Variants in CRLF3 observed in about 807,000 individuals in gnomAD.
CRLF3 encodes cytokine receptor like factor 3.
In CRLF3, 33 loss-of-function variants were observed where a neutral mutation model predicts 55.0. The ratio of observed to expected loss-of-function variants is 0.60; its 90% CI spans 0.46 to 0.80. The LOEUF (loss-of-function observed/expected upper bound fraction) is 0.80. Among genes scored for constraint, CRLF3 ranks in the 30% least tolerant of loss-of-function variants. CRLF3 has a pLI of 0.00. For synonymous variants in CRLF3, 238 were observed against 196.8 expected (o/e 1.21, Z -1.75); for missense variants, 494 against 538.4 (o/e 0.92, Z 0.82).
chr17:30,818,781 C>T (rs1904891002), intron 1 of CRLF3, among the ~76,000 whole-genome samples: 1 of 149,308 alleles, frequency 6.7e-6, no homozygotes, highest in Non-Finnish European at 1.5e-5. Context: ...TGCTAAGCTA[C>T]TGAGACTTCC....
rs1597907672 is a variant in CRLF3 at position 30,783,134 on chromosome 17, A to G, written c.*1053T>C. On this transcript the variant is annotated 3_prime_UTR_variant, in exon 8 of 8. Coordinates refer to ENST00000324238, the MANE Select transcript of CRLF3 (RefSeq NM_015986.4). ...TCATTCTCTGCAAAGAGTAAAATGC[A>G]TGTCACAGGCAGATTGGATACACAC... is the stretch of plus-strand genomic sequence containing the variant. 2 of 152,330 alleles carry G rather than the reference A, an allele frequency of 1.3e-5. No individual in the cohort carries two copies. The highest frequency in any genetic ancestry group is 4.8e-5 in the African/African-American group (2 of 41,574). The allele number at this position is 152,330 out of a possible 1,614,324, so 9.4% of individuals were successfully genotyped here.
intron 4 of CRLF3, among the ~76,000 whole-genome samples, chr17:30,793,931 C>G (rs1022262647): frequency 4.6e-5 from 7 of 151,976 alleles, no homozygotes; most frequent in Non-Finnish European, 8.8e-5. Context: ...CTCCACACCC[C>G]GGGTTCAAGC....
chr17:30,805,728 A>AC (rs1021799878), intron 1 of CRLF3, among the ~76,000 whole-genome samples: 1 of 152,034 alleles, frequency 6.6e-6, no homozygotes, highest in African/African-American at 2.4e-5. Flanking sequence ...AAAAAAAAAA[A>AC]AAAGCAAGCC....
At chr17:30,810,656 CATG>C (rs1208112623) in intron 1 of CRLF3, among the ~76,000 whole-genome samples, 5 of 152,064 alleles carry the variant, frequency 3.3e-5, no homozygotes, top group African/African-American at 9.7e-5. Flanking sequence ...AAAATTTTAA[CATG>C]ATTAAGAGCT....
intron 1 of CRLF3, among the ~76,000 whole-genome samples, chr17:30,816,273 C>T (rs1904802161): frequency 6.8e-6 from 1 of 146,240 alleles, no homozygotes; most frequent in Admixed American, 6.8e-5. Context: ...CAGAGCAAGA[C>T]TCCATCTCAA....
chr17:30,799,243 A>C (rs1971968763), intron 2 of CRLF3, among the ~76,000 whole-genome samples: 1 of 152,388 alleles, frequency 6.6e-6, no homozygotes, highest in East Asian at 1.9e-4. Flanking sequence ...ACTGCACTCC[A>C]GCCCAGGCAA....
At chr17:30,790,647 T>A in intron 6 of CRLF3, 1 of 140,356 alleles carries the variant, frequency 7.1e-6, no homozygotes, top group Non-Finnish European at 1.5e-5. Flanking sequence ...GACGGAATCT[T>A]GCACTGTCTC....
intron 6 of CRLF3, among the ~76,000 whole-genome samples, chr17:30,789,222 A>T (rs1971726584): frequency 6.6e-6 from 1 of 152,224 alleles, no homozygotes; most frequent in Admixed American, 6.5e-5. Flanking sequence ...ATGCATCTTT[A>T]GGAGATGCAA....
At chr17:30,789,970 T>G (rs1449806782) in intron 6 of CRLF3, among the ~76,000 whole-genome samples, 2 of 152,090 alleles carry the variant, frequency 1.3e-5, no homozygotes, top group Non-Finnish European at 2.9e-5. Context: ...GGGGAATAGT[T>G]AAATAGATTT....
At chr17:30,799,796 C>T (rs1182589090) in intron 2 of CRLF3, among the ~76,000 whole-genome samples, 1 of 151,990 alleles carries the variant, frequency 6.6e-6, no homozygotes, top group Non-Finnish European at 1.5e-5. Flanking sequence ...CGAGCCACCG[C>T]GCCCGGCCAG....
intron 2 of CRLF3, among the ~76,000 whole-genome samples, chr17:30,799,481 C>T (rs187884938): frequency 1.3e-3 from 203 of 152,094 alleles, no homozygotes; most frequent in African/African-American, 4.5e-3. Context: ...GCCTCAGCCT[C>T]CCAAGTAGCT....
intron 6 of CRLF3, among the ~76,000 whole-genome samples, chr17:30,789,078 G>A (rs1352667543): frequency 6.6e-6 from 1 of 152,066 alleles, no homozygotes; most frequent in African/African-American, 2.4e-5. Context: ...GCTGATGCCT[G>A]AAATTCCTTT....
intron 1 of CRLF3, among the ~76,000 whole-genome samples, chr17:30,807,730 G>A (rs1000342430): frequency 7.3e-5 from 11 of 151,504 alleles, no homozygotes; most frequent in East Asian, 1.9e-4. Flanking sequence ...ACAAAGTTTC[G>A]CCAAGCTGGT....
At chr17:30,802,939 A>AT (rs1972030109) in intron 2 of CRLF3, among the ~76,000 whole-genome samples, 1 of 151,908 alleles carries the variant, frequency 6.6e-6, no homozygotes, top group African/African-American at 2.4e-5. Context: ...CCAAGATGAG[A>AT]AGATTGCTTG....
intron 1 of CRLF3, 39 bp from the exon 2 acceptor site, chr17:30,804,147 T>A: frequency 7.1e-7 from 1 of 1,417,654 alleles, no homozygotes; most frequent in Non-Finnish European, 9.9e-7. Context: ...TCAGAATCTT[T>A]AAAAAAGGCT....
At chr17:30,799,117 CA>C (rs1318488438) in intron 2 of CRLF3, among the ~76,000 whole-genome samples, 1 of 151,464 alleles carries the variant, frequency 6.6e-6, no homozygotes, top group African/African-American at 2.4e-5. Context: ...ATTAAAAATA[CA>C]AAAAATTTGC....
intron 1 of CRLF3, among the ~76,000 whole-genome samples, chr17:30,812,290 C>T (rs1904653244): frequency 6.6e-6 from 1 of 152,078 alleles, no homozygotes; most frequent in Non-Finnish European, 1.5e-5. Context: ...AGCAACAATA[C>T]AGCAGCAGCT....
rs1377168050 is a variant in CRLF3 at position 30,806,677 on chromosome 17, C to G, written c.130-2569G>C. Among the ~76,000 whole-genome samples the G allele has an allele frequency of 4.6e-5, 7 of 152,142 alleles. 1 individual carries two copies. The highest frequency in any genetic ancestry group is 3.9e-4 in the Admixed American group (6 of 15,268). On this transcript the variant is annotated intron_variant, in intron 1 of 7. Transcript: ENST00000324238. Reference sequence around the variant, plus strand: ...GATTTTTCTTCTTTTATTTCAGAGACAGGGTCTCACTCTGTTGCACATCCT... The same window carrying G: ...GATTTTTCTTCTTTTATTTCAGAGAGAGGGTCTCACTCTGTTGCACATCCT...
intron 6 of CRLF3, chr17:30,786,271 G>A (rs1045036614): frequency 3.9e-5 from 13 of 329,446 alleles, no homozygotes; most frequent in South Asian, 2.5e-4. Flanking sequence ...ACGGAGTCTC[G>A]CTCTGTCACC....
Sources: allele counts gnomAD v4.1 joint callset (sites outside exome capture counted in the v4.1 genomes callset), GRCh38; gene constraint gnomAD v4.1.1; transcripts MANE v1.5; gene names NCBI Gene and HGNC (gene_info 2026-07-23, HGNC 2026-07-21).